The following CSMD1 variants were observed in gnomAD, a reference collection of about 807,000 sequenced individuals.
CSMD1 encodes CUB and Sushi multiple domains 1.
In CSMD1, 213 loss-of-function variants were observed where a neutral mutation model predicts 417.5. The observed-to-expected ratio is 0.51, with a 90% CI of 0.46 to 0.57. CSMD1 has a LOEUF of 0.57. CSMD1 is among the 20% of genes least tolerant of loss of function. The probability of loss-of-function intolerance (pLI) is 0.00; values close to 1 mark genes in which losing one functional copy is unlikely to be tolerated. For missense variants in CSMD1, 6,923 were observed against 4,529.7 expected, an observed-to-expected ratio of 1.53 and a Z score of -15.17; for synonymous variants, 2,862 against 1,736.8, an observed-to-expected ratio of 1.65 and a Z score of -16.11.
At chr8:4,485,979 G>C (rs1340820251) in intron 2 of CSMD1, among the ~76,000 whole-genome samples, 3 of 151,756 alleles carry the variant, frequency 2.0e-5, no homozygotes, top group Non-Finnish European at 4.4e-5. Context: ...CACACTGGAA[G>C]ATCTGCTTGT....
At chr8:4,673,907 G>A (rs117594981) in intron 1 of CSMD1, among the ~76,000 whole-genome samples, 1 of 152,206 alleles carries the variant, frequency 6.6e-6, no homozygotes, top group East Asian at 1.9e-4. Context: ...AAGATACAGG[G>A]TTTGGGAGGA....
At position 3,558,892 on chromosome 8, in the gene CSMD1, T is replaced by A. The variant is rs116605981; in HGVS notation, c.1344+16053A>T. 6.8e-3 allele frequency among the ~76,000 whole-genome samples: 1,042 copies of A among 152,156 alleles called. 11 individuals are homozygous for A. Among genetic ancestry groups the A allele is most frequent in the African/African-American group, 0.024 (986 of 41,496 alleles). The stretch of plus-strand genomic sequence containing the variant: ...CCTGCCGCCCTGTAGTTGCTCAAGG[T>A]GTCTGAAAAGGAAAGCGTCCTGGGG... On this transcript the variant is annotated intron_variant, in intron 10 of 69. Coordinates refer to ENST00000635120, the MANE Select transcript of CSMD1 (RefSeq NM_033225.6).
At chr8:2,955,851 G>T in intron 63 of CSMD1, 83 bp from the exon 64 acceptor site, 1 of 1,252,558 alleles carries the variant, frequency 8.0e-7, no homozygotes, top group South Asian at 1.4e-5. Flanking sequence ...GATTAAAATA[G>T]TTTGGAAATG....
intron 3 of CSMD1, among the ~76,000 whole-genome samples, chr8:4,128,719 T>G (rs904608161): frequency 3.9e-5 from 6 of 152,096 alleles, no homozygotes; most frequent in African/African-American, 1.4e-4. Flanking sequence ...CACTCATCCT[T>G]GCTGGATACT....
chr8:4,439,933 T>A (rs1162007779), intron 2 of CSMD1, among the ~76,000 whole-genome samples: 1 of 152,126 alleles, frequency 6.6e-6, no homozygotes, highest in East Asian at 1.9e-4. Flanking sequence ...TAATAATATA[T>A]GTTTACAGTT....
chr8:4,458,746 T>C (rs943746052), intron 2 of CSMD1, among the ~76,000 whole-genome samples: 3 of 152,204 alleles, frequency 2.0e-5, no homozygotes, highest in Non-Finnish European at 2.9e-5. Context: ...TTTTGTTACT[T>C]ACAAAAACAT....
At chr8:3,419,908 C>G (rs9987084) in intron 12 of CSMD1, among the ~76,000 whole-genome samples, 1 of 152,132 alleles carries the variant, frequency 6.6e-6, no homozygotes, top group Admixed American at 6.5e-5. Context: ...TAGATGGAAT[C>G]TCAGCAACAT....
intron 2 of CSMD1, among the ~76,000 whole-genome samples, chr8:4,633,477 C>A (rs192783732): frequency 4.4e-4 from 67 of 152,214 alleles, no homozygotes; most frequent in African/African-American, 1.6e-3. Context: ...TCTCGATCTA[C>A]TGACCTCGTG....
intron 37 of CSMD1, among the ~76,000 whole-genome samples, chr8:3,170,836 C>T (rs1284073859): frequency 6.6e-6 from 1 of 152,128 alleles, no homozygotes; most frequent in Non-Finnish European, 1.5e-5. Context: ...AAAGCATTTT[C>T]CCACTGATTG....
In CSMD1 at chr8:2,942,601, G is replaced by C; in HGVS notation, c.10406C>G (p.Pro3469Arg). 1.9e-6 allele frequency: 3 copies of C among 1,574,090 alleles called. No individual in the cohort carries two copies. The highest frequency in any genetic ancestry group is 2.3e-5 in the East Asian group (1 of 43,444). The change falls in exon 69 of 70, where the codon CCT becomes CGT. Residue 3469 changes from proline to arginine, a missense_variant. Transcript: ENST00000635120. ...GGAAGAGTCTTGATCTGGGTTTAAAGGATCTGTAAGATAAAGGAAATATTA... is the reference window on the plus strand; with the variant it reads ...GGAAGAGTCTTGATCTGGGTTTAAACGATCTGTAAGATAAAGGAAATATTA... ...FGKFKLERQD[P>R]LNPDQDSSSH...
chr8:3,916,584 G>A (rs62480120), intron 5 of CSMD1, among the ~76,000 whole-genome samples: 10,359 of 152,200 alleles, frequency 0.068, 435 homozygotes, highest in South Asian at 0.15. Flanking sequence ...TGAACATTAT[G>A]TAGGTGACAA....
At chr8:4,595,136 A>T (rs1377909531) in intron 2 of CSMD1, among the ~76,000 whole-genome samples, 1 of 152,122 alleles carries the variant, frequency 6.6e-6, no homozygotes, top group Admixed American at 6.6e-5. Flanking sequence ...AATTCTGAGC[A>T]TCCTCATTTA....
At chr8:4,670,728 G>T (rs1010075259) in intron 1 of CSMD1, among the ~76,000 whole-genome samples, 1 of 152,168 alleles carries the variant, frequency 6.6e-6, no homozygotes, top group Non-Finnish European at 1.5e-5. Flanking sequence ...GAAAAAAATA[G>T]TTGGCTCTAA....
chr8:4,527,243 C>T (rs978080004), intron 2 of CSMD1, among the ~76,000 whole-genome samples: 16 of 152,218 alleles, frequency 1.1e-4, no homozygotes, highest in African/African-American at 1.9e-4. Flanking sequence ...TTACATCAAA[C>T]ATTAGCATTA....
chr8:2,937,789 C>G lies in CSMD1; in HGVS notation c.*796G>C, dbSNP rs948213114. 6.6e-6 allele frequency: 1 copy of G among 152,600 alleles called. No homozygotes were observed. The highest frequency in any genetic ancestry group is 1.9e-4 in the East Asian group (1 of 5,194). The allele number at this position is 152,600 out of a possible 1,614,324, so 9.5% of individuals were successfully genotyped here. The stretch of plus-strand genomic sequence containing the variant: ...GTGCCATATCTAGGAATACTTTTCC[C>G]TAACACTCCAACTAAGCTGATGGGG... On this transcript the variant is annotated 3_prime_UTR_variant, in exon 70 of 70. Coordinates refer to ENST00000635120, the MANE Select transcript of CSMD1 (RefSeq NM_033225.6).
At position 3,503,520 on chromosome 8, in the gene CSMD1, G is replaced by A. The variant is rs145891388; in HGVS notation, c.1345-9794C>T. 5.1e-4 allele frequency among the ~76,000 whole-genome samples: 77 copies of A among 152,346 alleles called. 1 individual carries two copies. Among genetic ancestry groups the A allele is most frequent in the African/African-American group, 1.5e-3 (64 of 41,588 alleles). On this transcript the variant is annotated intron_variant, in intron 10 of 69. Transcript: ENST00000635120. ...GAAGCCAAGAAACTTGGTATTTCAT[G>A]CTAAAATCTCCCAGATGGTTCTCTG... is the stretch of plus-strand genomic sequence containing the variant.
chr8:3,851,698 A>C (rs1342775965), intron 5 of CSMD1, among the ~76,000 whole-genome samples: 1 of 152,224 alleles, frequency 6.6e-6, no homozygotes, highest in African/African-American at 2.4e-5. Flanking sequence ...AGAAAAGAGA[A>C]AAAAGCAGAA....
At chr8:4,942,790 T>C (rs1808097369) in intron 1 of CSMD1, among the ~76,000 whole-genome samples, 1 of 152,214 alleles carries the variant, frequency 6.6e-6, no homozygotes, top group Admixed American at 6.5e-5. Context: ...GCTAGGGAAT[T>C]GGAAACTGCA....
intron 5 of CSMD1, among the ~76,000 whole-genome samples, chr8:3,935,329 T>G (rs1481675131): frequency 6.6e-6 from 1 of 152,206 alleles, no homozygotes; most frequent in African/African-American, 2.4e-5. Flanking sequence ...TATATATTAG[T>G]GATACTTGGT....
Sources: gnomAD v4.1 joint callset for allele counts (sites outside exome capture counted in the v4.1 genomes callset) on GRCh38, gnomAD v4.1.1 for gene constraint, MANE v1.5 for transcripts, NCBI Gene and HGNC (gene_info 2026-07-23, HGNC 2026-07-21) for gene names.